Variants in NEK1 observed in about 807,000 individuals in gnomAD.
The protein encoded by NEK1 is serine/threonine-protein kinase Nek1.
In NEK1, 137 loss-of-function variants were observed where a neutral mutation model predicts 182.1. The observed-to-expected ratio is 0.75, with a 90% confidence interval of 0.65 to 0.87. The LOEUF is 0.87. Among genes scored for constraint, NEK1 ranks in the 40% least tolerant of loss-of-function variants. The pLI is 0.00. For missense variants in NEK1, 1,391 were observed against 1,494.4 expected (o/e 0.93, Z 1.14); for synonymous variants, 513 against 492.2 (o/e 1.04, Z -0.56).
intron 16 of NEK1, among the ~76,000 whole-genome samples, chr4:169,561,277 T>C (rs1056225895): frequency 6.6e-6 from 1 of 152,138 alleles, no homozygotes; most frequent in African/African-American, 2.4e-5. Context: ...CAATTTTGAG[T>C]ATAGTCACAT....
intron 23 of NEK1, among the ~76,000 whole-genome samples, chr4:169,480,973 T>C (rs1193928163): frequency 6.6e-6 from 1 of 152,224 alleles, no homozygotes; most frequent in African/African-American, 2.4e-5. Context: ...AACCCTGCTG[T>C]TGCTTTATCG....
intron 23 of NEK1, among the ~76,000 whole-genome samples, chr4:169,496,464 G>C (rs1751308555): frequency 6.6e-6 from 1 of 150,944 alleles, no homozygotes; most frequent in South Asian, 2.1e-4. Context: ...GTGAGAGAGG[G>C]CATCCCTGTC....
rs201303669 is a variant in NEK1, at chr4:169,610,314, C to CT, written c.-49+1705dup. The stretch of plus-strand genomic sequence containing the variant: ...ACAGCGTCTGACCCAGAATTTCTTT[C>CT]TTTTTTTCTTTTTTCTTTGAGACAA... On this transcript the variant is annotated intron_variant, in intron 2 of 35. Transcript: ENST00000507142. 1.5e-3 allele frequency among the ~76,000 whole-genome samples: 221 copies of CT among 150,064 alleles called. 1 individual carries two copies. Among genetic ancestry groups the CT allele is most frequent in the African/African-American group, 4.4e-3 (179 of 40,290 alleles).
At chr4:169,539,448 G>C (rs1580584804) in intron 18 of NEK1, among the ~76,000 whole-genome samples, 1 of 152,128 alleles carries the variant, frequency 6.6e-6, no homozygotes, top group East Asian at 1.9e-4. Context: ...TATCTGGTCA[G>C]AATGCAACTT....
chr4:169,570,806 G>C (rs906034836), intron 12 of NEK1, among the ~76,000 whole-genome samples: 3 of 152,172 alleles, frequency 2.0e-5, no homozygotes, highest in Non-Finnish European at 4.4e-5. Context: ...AGTAGACATG[G>C]GAGACTTTTC....
chr4:169,522,105 G>C (rs1379153553), intron 19 of NEK1, among the ~76,000 whole-genome samples: 1 of 152,120 alleles, frequency 6.6e-6, no homozygotes, highest in East Asian at 1.9e-4. Flanking sequence ...GAACTGGTAT[G>C]TCTTCAAGTT....
intron 28 of NEK1, among the ~76,000 whole-genome samples, chr4:169,436,270 C>T (rs1738393693): frequency 6.6e-6 from 1 of 152,180 alleles, no homozygotes; most frequent in Admixed American, 6.5e-5. Context: ...ATAATTGAAG[C>T]AGAATTACAT....
intron 26 of NEK1, among the ~76,000 whole-genome samples, chr4:169,469,205 G>A (rs1441018443): frequency 6.6e-6 from 1 of 151,930 alleles, no homozygotes; most frequent in Non-Finnish European, 1.5e-5. Context: ...TTTTAATTGT[G>A]ATATTAGGGT....
intron 19 of NEK1, among the ~76,000 whole-genome samples, chr4:169,528,528 T>C (rs1007012104): frequency 6.6e-6 from 1 of 152,208 alleles, no homozygotes; most frequent in Non-Finnish European, 1.5e-5. Flanking sequence ...TACAGTCTTG[T>C]GAGACTCCAG....
rs7681585 is a variant in NEK1, at chr4:169,571,179, A to T, written c.1020+5749T>A. 1.7e-4 allele frequency among the ~76,000 whole-genome samples: 25 copies of T among 143,368 alleles called. 1 individual carries two copies. The highest frequency in any genetic ancestry group is 4.5e-4 in the South Asian group (2 of 4,462). The allele number at this position is 143,368 out of a possible 152,430, so 94.1% of individuals were successfully genotyped here. ...GAAACACCCAAGAATGATCAATAAA[A>T]AAATAAATAAATAAATAAATAAATA... On this transcript the variant is annotated intron_variant, in intron 12 of 35. Transcript: ENST00000507142.
chr4:169,583,196 G>A (rs1766955578), intron 10 of NEK1, among the ~76,000 whole-genome samples: 1 of 151,620 alleles, frequency 6.6e-6, no homozygotes, highest in Non-Finnish European at 1.5e-5. Context: ...GAGCTCCAGA[G>A]GTGGAGGTTG....
At chr4:169,497,916 C>T (rs932815877) in intron 23 of NEK1, among the ~76,000 whole-genome samples, 4 of 151,960 alleles carry the variant, frequency 2.6e-5, no homozygotes, top group African/African-American at 7.2e-5. Flanking sequence ...AGATGTCTAT[C>T]AGGTCCCCTT....
intron 12 of NEK1, among the ~76,000 whole-genome samples, chr4:169,568,250 G>A (rs1764040070): frequency 6.6e-6 from 1 of 152,086 alleles, no homozygotes; most frequent in Non-Finnish European, 1.5e-5. Context: ...CCCCACAATG[G>A]TAGTTTTATT....
At chr4:169,398,821 C>T (rs1387738052) in intron 35 of NEK1, among the ~76,000 whole-genome samples, 1 of 152,038 alleles carries the variant, frequency 6.6e-6, no homozygotes, top group Non-Finnish European at 1.5e-5. Context: ...ATTTTTATTG[C>T]TAAAATTAAG....
chr4:169,462,412 T>C (rs1244745964), intron 27 of NEK1, among the ~76,000 whole-genome samples: 1 of 152,140 alleles, frequency 6.6e-6, no homozygotes, highest in Non-Finnish European at 1.5e-5. Context: ...TCAATTCAAA[T>C]TGTTTTCTCC....
intron 35 of NEK1, among the ~76,000 whole-genome samples, chr4:169,394,822 T>C (rs974569801): frequency 6.6e-6 from 1 of 152,202 alleles, no homozygotes. Context: ...AATGCAGTTT[T>C]GAAACATAGG....
intron 26 of NEK1, among the ~76,000 whole-genome samples, chr4:169,465,582 G>T (rs1213757114): frequency 1.3e-5 from 2 of 152,042 alleles, no homozygotes; most frequent in Non-Finnish European, 2.9e-5. Flanking sequence ...AAAGTTTAGA[G>T]AAAAGACCAC....
At chr4:169,454,800 A>G (rs1049075451) in intron 27 of NEK1, among the ~76,000 whole-genome samples, 1 of 152,178 alleles carries the variant, frequency 6.6e-6, no homozygotes, top group Admixed American at 6.5e-5. Context: ...AACTATAATT[A>G]CCATTTGACC....
chr4:169,447,636 G>A (rs1740820035), intron 27 of NEK1, among the ~76,000 whole-genome samples: 2 of 152,094 alleles, frequency 1.3e-5, no homozygotes, highest in Admixed American at 6.5e-5. Context: ...GGAGGTGAAG[G>A]CGGGTGGATC....
Sources: gnomAD v4.1 joint callset for allele counts (sites outside exome capture counted in the v4.1 genomes callset) on GRCh38, gnomAD v4.1.1 for gene constraint, MANE v1.5 for transcripts, NCBI Gene and HGNC (gene_info 2026-07-23, HGNC 2026-07-21) for gene names.